CCDC192: variants seen among roughly 807,000 people sequenced by gnomAD.
CCDC192 encodes coiled-coil domain-containing protein 192.
intron 3 of CCDC192, among the ~76,000 whole-genome samples, chr5:127,758,634 C>T (rs187827204): frequency 2.0e-3 from 302 of 151,972 alleles, no homozygotes; most frequent in African/African-American, 7.2e-3. Flanking sequence ...TTGTATTTCC[C>T]ATAGGTTAAG....
At chr5:127,805,875 A>C (rs1757754647) in intron 5 of CCDC192, among the ~76,000 whole-genome samples, 1 of 152,164 alleles carries the variant, frequency 6.6e-6, no homozygotes, top group Admixed American at 6.5e-5. Context: ...CCCATGCTGA[A>C]TCTGGAAAGA....
At position 127,706,681 on chromosome 5, in the gene CCDC192, A is replaced by T. The variant is rs749048610; in HGVS notation, c.63-1028A>T. On this transcript the variant is annotated intron_variant, in intron 1 of 6. Coordinates refer to ENST00000514853, the MANE Select transcript of CCDC192 (RefSeq NM_001317938.2). Reference sequence around the variant, plus strand: ...TCTTCAAGATGCTGAGGGTAAAGTAACAAAAACAACAGAAAAAATTTCCTG... The same window carrying T: ...TCTTCAAGATGCTGAGGGTAAAGTATCAAAAACAACAGAAAAAATTTCCTG... Among the ~76,000 whole-genome samples the T allele has an allele frequency of 4.2e-4, 64 of 152,196 alleles. 1 individual carries two copies. Among genetic ancestry groups the T allele is most frequent in the Admixed American group, 1.5e-3 (23 of 15,284 alleles).
intron 5 of CCDC192, among the ~76,000 whole-genome samples, chr5:127,858,909 C>T (rs1161301684): frequency 6.6e-6 from 1 of 150,576 alleles, no homozygotes; most frequent in Non-Finnish European, 1.5e-5. Context: ...TCAAGGGGCT[C>T]AAATTATTTG....
chr5:127,913,109 G>T (rs377082973), intron 6 of CCDC192, among the ~76,000 whole-genome samples: 5 of 152,206 alleles, frequency 3.3e-5, no homozygotes, highest in African/African-American at 9.7e-5. Context: ...GGGTCAAGCA[G>T]ATATGAACTT....
chr5:127,788,608 A>G (rs1383930281), intron 3 of CCDC192, among the ~76,000 whole-genome samples: 3 of 151,992 alleles, frequency 2.0e-5, no homozygotes, highest in Non-Finnish European at 2.9e-5. Context: ...TTCCTCCAAT[A>G]CTATCTTCTT....
intron 6 of CCDC192, among the ~76,000 whole-genome samples, chr5:127,886,006 G>A (rs899508392): frequency 1.3e-5 from 2 of 152,140 alleles, no homozygotes; most frequent in Non-Finnish European, 2.9e-5. Context: ...TAGTTGCCTC[G>A]TATGCAGTTG....
At chr5:127,914,679 G>T (rs542568536) in intron 6 of CCDC192, among the ~76,000 whole-genome samples, 1 of 152,310 alleles carries the variant, frequency 6.6e-6, no homozygotes, top group South Asian at 2.1e-4. Flanking sequence ...AACGTGCTTG[G>T]AGATAGGGTA....
intron 6 of CCDC192, among the ~76,000 whole-genome samples, chr5:127,883,162 G>T (rs1384194031): frequency 6.6e-6 from 1 of 152,196 alleles, no homozygotes; most frequent in Non-Finnish European, 1.5e-5. Flanking sequence ...GTCCAAGGGT[G>T]CTATTGCCTT....
At chr5:127,895,927 A>G (rs1394618125) in intron 6 of CCDC192, among the ~76,000 whole-genome samples, 1 of 151,982 alleles carries the variant, frequency 6.6e-6, no homozygotes, top group African/African-American at 2.4e-5. Flanking sequence ...AGGACTAATT[A>G]TTAACAGGCA....
At chr5:127,790,019 C>T (rs1246761161) in intron 3 of CCDC192, among the ~76,000 whole-genome samples, 1 of 152,190 alleles carries the variant, frequency 6.6e-6, no homozygotes, top group Non-Finnish European at 1.5e-5. Context: ...GGCATAACCC[C>T]CATGCAGTAG....
At chr5:127,733,834 T>C (rs1156615014) in intron 2 of CCDC192, among the ~76,000 whole-genome samples, 1 of 149,432 alleles carries the variant, frequency 6.7e-6, no homozygotes. Flanking sequence ...TCATCCACAT[T>C]GAAGTTTCTT....
intron 5 of CCDC192, among the ~76,000 whole-genome samples, chr5:127,871,997 G>C (rs1429561175): frequency 6.6e-6 from 1 of 152,142 alleles, no homozygotes; most frequent in Non-Finnish European, 1.5e-5. Flanking sequence ...GGGTTGCCTG[G>C]CTAGTGAACG....
intron 2 of CCDC192, among the ~76,000 whole-genome samples, chr5:127,714,296 C>A (rs248732): frequency 3.5e-4 from 53 of 152,156 alleles, no homozygotes; most frequent in Non-Finnish European, 6.0e-4. Context: ...AGTGCTGCAA[C>A]AAACATGAGT....
intron 2 of CCDC192, 63 bp from the exon 3 acceptor site, chr5:127,754,205 T>A: frequency 5.0e-6 from 2 of 397,492 alleles, no homozygotes; most frequent in Non-Finnish European, 8.9e-6. Flanking sequence ...TCCATAAGAT[T>A]GTTTGAGATG....
At chr5:127,870,628 G>T (rs1352824589) in intron 5 of CCDC192, among the ~76,000 whole-genome samples, 1 of 152,184 alleles carries the variant, frequency 6.6e-6, no homozygotes, top group Admixed American at 6.5e-5. Flanking sequence ...AATGGGCAGT[G>T]GCTGCTGAAA....
At chr5:127,850,242 CTAAAATT>C (rs1329306214) in intron 5 of CCDC192, among the ~76,000 whole-genome samples, 1 of 152,144 alleles carries the variant, frequency 6.6e-6, no homozygotes, top group African/African-American at 2.4e-5. Context: ...CAAGTGGGGA[CTAAAATT>C]CAGCTACATT....
intron 6 of CCDC192, among the ~76,000 whole-genome samples, chr5:127,914,382 T>C (rs887770881): frequency 6.6e-6 from 1 of 152,184 alleles, no homozygotes; most frequent in Admixed American, 6.5e-5. Flanking sequence ...CCAGGTATGG[T>C]CTGGGACAAT....
intron 6 of CCDC192, among the ~76,000 whole-genome samples, chr5:127,909,490 C>T (rs549999980): frequency 2.5e-4 from 38 of 151,682 alleles, no homozygotes; most frequent in Admixed American, 7.9e-4. Context: ...AGAAAACAGA[C>T]TTTTCCTATT....
At chr5:127,815,288 T>C (rs1748953463) in intron 5 of CCDC192, among the ~76,000 whole-genome samples, 1 of 152,206 alleles carries the variant, frequency 6.6e-6, no homozygotes, top group Non-Finnish European at 1.5e-5. Context: ...CAGAGCAAAC[T>C]AAATCTGAGG....
Sources: allele counts gnomAD v4.1 joint callset (sites outside exome capture counted in the v4.1 genomes callset), GRCh38; gene constraint gnomAD v4.1.1; transcripts MANE v1.5; gene names NCBI Gene and HGNC (gene_info 2026-07-23, HGNC 2026-07-21).